The following SH3PXD2B variants were observed in gnomAD, a reference collection of about 807,000 sequenced individuals.
SH3PXD2B encodes SH3 and PX domains 2B.
Under a neutral mutation model 73.1 loss-of-function variants are expected in SH3PXD2B, and 37 were observed. The observed-to-expected ratio is 0.51, with a 90% CI of 0.39 to 0.67. The LOEUF (loss-of-function observed/expected upper bound fraction) is 0.67, where lower values mean the gene tolerates loss of function less well. Ranked by LOEUF, SH3PXD2B falls within the 30% of genes least tolerant of loss-of-function variation. The pLI is 0.00. For missense variants in SH3PXD2B, 1,053 were observed against 1,197.8 expected (o/e 0.88, Z 1.78); for synonymous variants, 457 against 480.5 (o/e 0.95, Z 0.64).
intron 6 of SH3PXD2B, among the ~76,000 whole-genome samples, chr5:172,366,308 C>T (rs893981711): frequency 5.3e-5 from 8 of 152,168 alleles, no homozygotes; most frequent in Non-Finnish European, 1.2e-4. Context: ...GAGGCAGATC[C>T]TGTAACTGGT....
chr5:172,364,865 C>A (rs1384877576), intron 6 of SH3PXD2B, among the ~76,000 whole-genome samples: 1 of 152,170 alleles, frequency 6.6e-6, no homozygotes, highest in Non-Finnish European at 1.5e-5. Flanking sequence ...CAAAGCAGGG[C>A]TTCTCCACTG....
chr5:172,338,671 A>T lies in SH3PXD2B; in HGVS notation c.2434T>A (p.Leu812Met), dbSNP rs1756762926. 2 of 1,614,004 alleles carry T rather than the reference A, an allele frequency of 1.2e-6. No individual in the cohort carries two copies. The highest frequency in any genetic ancestry group is 1.7e-6 in the Non-Finnish European group (2 of 1,180,046). Residue 812 changes from leucine (L) to methionine (M), a missense_variant, in exon 13 of 13, where the codon TTG (leucine) becomes ATG (methionine). Transcript: ENST00000311601. The surrounding 1 kb of genome is among the most constrained non-coding windows in gnomAD (Gnocchi z 5.1). The part of the protein sequence containing the change: ...PKAKPFLSNS[L>M]GGQDDTRGKG... ...CCTCGCGTGTCATCCTGGCCCCCCA[A>T]AGAGTTGGAGAGAAAAGGTTTGGCT...
chr5:172,450,872 C>A (rs1759780752), intron 1 of SH3PXD2B, among the ~76,000 whole-genome samples: 1 of 152,180 alleles, frequency 6.6e-6, no homozygotes, highest in Non-Finnish European at 1.5e-5. Flanking sequence ...AAGATGCTGG[C>A]AGAGAAAGGC....
intron 1 of SH3PXD2B, among the ~76,000 whole-genome samples, chr5:172,423,310 T>C (rs1759015738): frequency 6.6e-6 from 1 of 152,102 alleles, no homozygotes; most frequent in South Asian, 2.1e-4. Flanking sequence ...TCTGTTGCTA[T>C]AGGGTAGTTG....
chr5:172,362,624 G>A, intron 7 of SH3PXD2B, 111 bp downstream of exon 7: 1 of 1,499,134 alleles, frequency 6.7e-7, no homozygotes, highest in Non-Finnish European at 9.3e-7. Flanking sequence ...CAGGATCTAT[G>A]GGAACTGGCC....
chr5:172,359,749 TA>T (rs1282107935), intron 7 of SH3PXD2B, among the ~76,000 whole-genome samples: 2 of 152,234 alleles, frequency 1.3e-5, no homozygotes, highest in African/African-American at 4.8e-5. Context: ...CTCAAACCTG[TA>T]AATATATGAA....
chr5:172,453,880 G>T (rs1300612960), intron 1 of SH3PXD2B, among the ~76,000 whole-genome samples: 1 of 152,152 alleles, frequency 6.6e-6, no homozygotes, highest in Non-Finnish European at 1.5e-5. Flanking sequence ...GACAAGGAGG[G>T]GCAAGGCGGG....
intron 4 of SH3PXD2B, 57 bp downstream of exon 4, chr5:172,394,501 AAAAAG>A: frequency 1.9e-6 from 3 of 1,564,320 alleles, no homozygotes; most frequent in South Asian, 2.3e-5. Flanking sequence ...TTGTAGCCAG[AAAAAG>A]AAAAGAAAAC....
At chr5:172,440,096 T>G (rs183198314) in intron 1 of SH3PXD2B, among the ~76,000 whole-genome samples, 19 of 152,260 alleles carry the variant, frequency 1.2e-4, no homozygotes, top group Middle Eastern at 3.4e-3. Context: ...CTGCCAGGCC[T>G]CAGAGGAGCC....
intron 12 of SH3PXD2B, 79 bp downstream of exon 12, chr5:172,346,054 TAGG>T: frequency 6.3e-7 from 1 of 1,587,478 alleles, no homozygotes; most frequent in Non-Finnish European, 8.6e-7. Context: ...CCCAGTGAAG[TAGG>T]AGGTGACAGG....
intron 7 of SH3PXD2B, among the ~76,000 whole-genome samples, chr5:172,360,446 C>T (rs1757371646): frequency 6.6e-6 from 1 of 152,226 alleles, no homozygotes; most frequent in African/African-American, 2.4e-5. Context: ...TAACCATTTT[C>T]ACTAATGCCT....
At chr5:172,428,559 T>C (rs1759158735) in intron 1 of SH3PXD2B, among the ~76,000 whole-genome samples, 1 of 152,158 alleles carries the variant, frequency 6.6e-6, no homozygotes, top group South Asian at 2.1e-4. Flanking sequence ...AACAGGACAC[T>C]CACACGGTAT....
intron 9 of SH3PXD2B, among the ~76,000 whole-genome samples, chr5:172,351,317 G>T (rs1757155223): frequency 6.6e-6 from 1 of 152,158 alleles, no homozygotes; most frequent in Non-Finnish European, 1.5e-5. Flanking sequence ...TTGTAGAGAT[G>T]GGGTGTTGCT....
intron 6 of SH3PXD2B, among the ~76,000 whole-genome samples, chr5:172,373,381 T>C (rs922956084): frequency 1.3e-5 from 2 of 152,206 alleles, no homozygotes; most frequent in Admixed American, 6.5e-5. Flanking sequence ...AGCTACCATA[T>C]TGCTCTGTAT....
Position 172,333,539 on chromosome 5 carries a change from TTAAA to T in SH3PXD2B, c.*4826_*4829del, listed in dbSNP as rs1756611634. 1.8e-6 allele frequency: 2 copies of T among 1,118,558 alleles called. No individual in the cohort carries two copies. Among genetic ancestry groups the T allele is most frequent in the African/African-American group, 4.3e-5 (2 of 46,248 alleles). 69.3% of individuals were successfully genotyped at this position (1,118,558 alleles called of 1,614,324 possible). A position where few individuals can be genotyped will look rare whatever the true frequency, so the allele number is the denominator to read the frequency against. The stretch of plus-strand genomic sequence containing the variant: ...GAAACCAGTCAAGCACTTTTTTTAT[TTAAA>T]AAAAAAAAAAGGAAAGAAGTCAAAT... On this transcript the variant is annotated 3_prime_UTR_variant, in exon 13 of 13. Transcript: ENST00000311601.
In SH3PXD2B at chr5:172,398,292, A is replaced by G. The variant is rs1162049410; in HGVS notation, c.233-3653T>C. On this transcript the variant is annotated intron_variant, in intron 3 of 12. Coordinates refer to ENST00000311601, the MANE Select transcript of SH3PXD2B (RefSeq NM_001017995.3). The stretch of plus-strand genomic sequence containing the variant: ...AAGATTGTTTTTTTCATATTCCTTT[A>G]CATAAATTGGATTGTGAAAAATTTG... Among the ~76,000 whole-genome samples the G allele has an allele frequency of 2.0e-5, 3 of 152,210 alleles. No homozygotes were observed. In the East Asian group the frequency reaches 5.8e-4, roughly 29 times the overall value.
At chr5:172,402,459 C>T (rs532448322) in intron 3 of SH3PXD2B, among the ~76,000 whole-genome samples, 4 of 152,336 alleles carry the variant, frequency 2.6e-5, no homozygotes, top group South Asian at 2.1e-4. Context: ...ACACCCTATT[C>T]GTACACTCCC....
chr5:172,401,484 TTC>T (rs1244767454), intron 3 of SH3PXD2B, among the ~76,000 whole-genome samples: 2 of 152,222 alleles, frequency 1.3e-5, no homozygotes, highest in Non-Finnish European at 2.9e-5. Context: ...AGAATTATGT[TTC>T]TCTGTTTAAT....
Position 172,382,138 on chromosome 5 carries a change from G to A in SH3PXD2B, c.310-11C>T. 6.3e-7 allele frequency: 1 copy of A among 1,598,342 alleles called. No individual in the cohort carries two copies. Among genetic ancestry groups the A allele is most frequent in the Non-Finnish European group, 8.5e-7 (1 of 1,172,626 alleles). ...CAGCTGGATGAGGGCCTGGAGAAGA[G>A]AGACGCAGGTGAGTGCAAAGGAGGA... On this transcript the variant is annotated splice_polypyrimidine_tract_variant and intron_variant, in intron 4 of 12. Coordinates refer to ENST00000311601, the MANE Select transcript of SH3PXD2B (RefSeq NM_001017995.3).
Sources: gnomAD v4.1 joint callset for allele counts (sites outside exome capture counted in the v4.1 genomes callset) on GRCh38, gnomAD v4.1.1 for gene constraint, Gnocchi (gnomAD v3.1) non-coding constraint, MANE v1.5 for transcripts, NCBI Gene and HGNC (gene_info 2026-07-23, HGNC 2026-07-21) for gene names.